The following RRAGC variants were observed in gnomAD, a reference collection of about 807,000 sequenced individuals.
RRAGC encodes Ras related GTP binding C.
RRAGC carries 8 observed loss-of-function variants against 37.1 expected under a neutral mutation model. The ratio of observed to expected loss-of-function variants is 0.22; its 90% confidence interval spans 0.13 to 0.39. The LOEUF (loss-of-function observed/expected upper bound fraction) is 0.39, where lower values mean the gene tolerates loss of function less well. RRAGC is among the 10% of genes least tolerant of loss of function. The pLI is 1.00. For missense variants in RRAGC, 342 were observed against 497.6 expected, an observed-to-expected ratio of 0.69 and a Z score of 2.98; for synonymous variants, 190 against 181.1, an observed-to-expected ratio of 1.05 and a Z score of -0.39.
At chr1:38,849,978 G>A (rs572928207) in intron 5 of RRAGC, among the ~76,000 whole-genome samples, 23 of 151,692 alleles carry the variant, frequency 1.5e-4, no homozygotes, top group South Asian at 8.3e-4. Flanking sequence ...AGGCCACGGC[G>A]GGTGGATCAC....
rs1460332594 is a variant in RRAGC, at chr1:38,857,085, G to A, written c.238-3C>T. 1 of 1,602,622 alleles carries A rather than the reference G, an allele frequency of 6.2e-7. No homozygotes were observed. Among genetic ancestry groups the A allele is most frequent in the East Asian group, 2.2e-5 (1 of 44,764 alleles). On this transcript the variant is annotated splice_polypyrimidine_tract_variant and splice_region_variant and intron_variant, in intron 1 of 6. Transcript: ENST00000373001. ...GGTGACATCTTATGAAACACCACCT[G>A]TTAAAAGAAAACAGGCAATTTTATG... is the stretch of plus-strand genomic sequence containing the variant.
chr1:38,841,883 T>C (rs1051734493), intron 6 of RRAGC, among the ~76,000 whole-genome samples: 2 of 152,126 alleles, frequency 1.3e-5, no homozygotes, highest in African/African-American at 4.8e-5. Context: ...ACGCCTATAA[T>C]CCCAGCGCTT....
intron 5 of RRAGC, chr1:38,846,583 G>A (rs1246721903): frequency 6.6e-6 from 1 of 152,518 alleles, no homozygotes; most frequent in African/African-American, 2.4e-5. Flanking sequence ...ACAAAAGCAA[G>A]AAAATACTTA....
In RRAGC at chr1:38,855,689, C is replaced by G. The variant is rs370557613; in HGVS notation, c.641+19G>C. On this transcript the variant is annotated intron_variant, in intron 3 of 6. Transcript: ENST00000373001. The stretch of plus-strand genomic sequence containing the variant: ...TACACCTTGTTCAGGGCTTTCATAT[C>G]AAACACACATGTTGTTACCTAAGAT... The G allele has an allele frequency of 4.4e-6, 7 of 1,602,238 alleles. No homozygotes were observed. In the African/African-American group the frequency reaches 9.4e-5, roughly 21 times the overall value.
In RRAGC at chr1:38,859,673, CCT is replaced by C. The variant is rs1557589919; in HGVS notation, c.-29_-28del. Reference sequence around the variant, plus strand: ...GTGCTGGAGCCGCCGCCGCCCGCGCCCTGACAGGCCAGGCCAGGCCGAGCCAG... The same window carrying C: ...GTGCTGGAGCCGCCGCCGCCCGCGCCGACAGGCCAGGCCAGGCCGAGCCAG... On this transcript the variant is annotated 5_prime_UTR_variant, in exon 1 of 7. Coordinates refer to ENST00000373001, the MANE Select transcript of RRAGC (RefSeq NM_022157.4). The C allele has an allele frequency of 6.6e-7, 1 of 1,526,284 alleles. No homozygotes were observed. The highest frequency in any genetic ancestry group is 8.8e-7 in the Non-Finnish European group (1 of 1,136,488). 94.5% of individuals were successfully genotyped at this position (1,526,284 alleles called of 1,614,324 possible).
At chr1:38,849,947 C>T (rs1293254854) in intron 5 of RRAGC, among the ~76,000 whole-genome samples, 1 of 152,110 alleles carries the variant, frequency 6.6e-6, no homozygotes, top group Admixed American at 6.5e-5. Flanking sequence ...TGGCTCATGC[C>T]TGTAATCCCA....
intron 1 of RRAGC, 118 bp downstream of exon 1, chr1:38,859,292 A>T: frequency 1.1e-6 from 1 of 951,226 alleles, no homozygotes; most frequent in Non-Finnish European, 1.5e-6. Context: ...AGAGTGGAAG[A>T]GAAAGTGCGG....
intron 2 of RRAGC, 34 bp downstream of exon 2, chr1:38,856,845 A>G: frequency 6.3e-7 from 1 of 1,587,846 alleles, no homozygotes; most frequent in South Asian, 1.1e-5. Flanking sequence ...TCTTTTTCCC[A>G]CCAGGAAAGA....
At chr1:38,841,080 T>C (rs923710519) in intron 6 of RRAGC, among the ~76,000 whole-genome samples, 3 of 152,196 alleles carry the variant, frequency 2.0e-5, no homozygotes, top group African/African-American at 7.2e-5. Context: ...AATAATCCAG[T>C]AGGGAAAGTG....
intron 5 of RRAGC, chr1:38,847,734 A>C (rs1332650534): frequency 6.6e-6 from 1 of 152,220 alleles, no homozygotes; most frequent in African/African-American, 2.4e-5. Context: ...ACATAAATAC[A>C]AGAGGACTAT....
chr1:38,855,710 A>C lies in RRAGC; in HGVS notation c.639T>G (p.Leu213=), dbSNP rs1425125262. 1 of 1,612,694 alleles carries C rather than the reference A, an allele frequency of 6.2e-7. No homozygotes were observed. ...ATATCAAACACACATGTTGTTACCT[A>C]AGATGGAGTTTTTCTAGCCCAGCAT... is the stretch of plus-strand genomic sequence containing the variant. ...LADAGLEKLH[L]SFYLTSIYDH... is the part of the protein sequence containing the mutation. The change falls in exon 3 of 7, where the codon CTT becomes CTG. Residue 213 remains leucine (L), a splice_region_variant and synonymous_variant. Transcript: ENST00000373001.
intron 6 of RRAGC, among the ~76,000 whole-genome samples, chr1:38,840,986 A>G (rs1453323038): frequency 1.3e-5 from 2 of 152,222 alleles, no homozygotes; most frequent in African/African-American, 4.8e-5. Flanking sequence ...TTTGTTGTTT[A>G]TTGTTTTAAA....
chr1:38,847,901 G>A (rs1004524756), intron 5 of RRAGC: 6 of 152,162 alleles, frequency 3.9e-5, no homozygotes, highest in South Asian at 2.1e-4. Flanking sequence ...AAGTTAGCCA[G>A]GTGCAGTGGC....
intron 5 of RRAGC, among the ~76,000 whole-genome samples, chr1:38,849,251 A>G (rs984182586): frequency 6.6e-6 from 1 of 152,276 alleles, no homozygotes; most frequent in Admixed American, 6.5e-5. Flanking sequence ...TGATGCAATC[A>G]TAGCTCACTG....
At position 38,852,483 on chromosome 1, in the gene RRAGC, T is replaced by A. The variant is rs1557587159; in HGVS notation, c.647A>T (p.Tyr216Phe). 6.6e-7 allele frequency: 1 copy of A among 1,505,564 alleles called. No individual in the cohort carries two copies. The allele number at this position is 1,505,564 out of a possible 1,614,324, so 93.3% of individuals were successfully genotyped here. A position where few individuals can be genotyped will look rare whatever the true frequency, so the allele number is the denominator to read the frequency against. The change falls in exon 4 of 7, where the codon TAT becomes TTT. Residue 216 changes from tyrosine to phenylalanine, a missense_variant. By Grantham distance (22) the Tyr-to-Phe change is conservative. This residue lies in a region of RRAGC where 134 missense variants were observed against 277.2 expected (regional missense o/e 0.48). Coordinates refer to ENST00000373001, the MANE Select transcript of RRAGC (RefSeq NM_022157.4). ...TGAATGGTCATAGATACTAGTCAGA[T>A]AAAAGCTGAAAAACACAACATAGCT... ...AGLEKLHLSF[Y>F]LTSIYDHSIF... is the part of the protein sequence containing the mutation.
intron 5 of RRAGC, among the ~76,000 whole-genome samples, chr1:38,849,003 G>A (rs557624504): frequency 7.9e-5 from 12 of 151,776 alleles, no homozygotes; most frequent in Non-Finnish European, 1.5e-4. Context: ...GATGGCACAC[G>A]CCTGTAGTCA....
intron 5 of RRAGC, among the ~76,000 whole-genome samples, chr1:38,849,604 CT>C (rs1642071604): frequency 6.6e-6 from 1 of 151,990 alleles, no homozygotes; most frequent in East Asian, 1.9e-4. Flanking sequence ...AGGAGAACTG[CT>C]TGAATCCGGG....
At chr1:38,849,341 G>C (rs1210228577) in intron 5 of RRAGC, among the ~76,000 whole-genome samples, 1 of 152,180 alleles carries the variant, frequency 6.6e-6, no homozygotes, top group Non-Finnish European at 1.5e-5. Context: ...AGGACTACAG[G>C]TGGACACTAC....
chr1:38,854,270 T>C (rs917896991), intron 3 of RRAGC, among the ~76,000 whole-genome samples: 9 of 152,174 alleles, frequency 5.9e-5, no homozygotes, highest in Admixed American at 2.6e-4. Flanking sequence ...AGTTTCGCCA[T>C]GTTGGCCAGG....
Sources: gnomAD v4.1 joint callset for allele counts (sites outside exome capture counted in the v4.1 genomes callset) on GRCh38, gnomAD v4.1.1 for gene constraint, gnomAD v4.1.1 regional missense constraint, MANE v1.5 for transcripts, NCBI Gene and HGNC (gene_info 2026-07-23, HGNC 2026-07-21) for gene names.